GML: variants seen among roughly 807,000 people sequenced by gnomAD.
GML encodes the protein glycosyl-phosphatidylinositol-anchored molecule-like protein.
In GML, 5 loss-of-function variants were observed where a neutral mutation model predicts 8.2. The observed-to-expected ratio is 0.61, with a 90% confidence interval of 0.32 to 1.28. The LOEUF (loss-of-function observed/expected upper bound fraction) is 1.28, where lower values mean the gene tolerates loss of function less well. GML is among the 50% of genes most tolerant of loss of function. The pLI, the probability that GML is intolerant of heterozygous loss-of-function variation, is 0.06. For synonymous variants in GML, 72 were observed against 69.0 expected, an observed-to-expected ratio of 1.04 and a Z score of -0.22; for missense variants, 191 against 198.3, an observed-to-expected ratio of 0.96 and a Z score of 0.22.
intron 3 of GML, among the ~76,000 whole-genome samples, chr8:142,842,731 A>G (rs1563859388): frequency 6.6e-6 from 1 of 152,212 alleles, no homozygotes; most frequent in East Asian, 1.9e-4. Context: ...TGGCCTGCCT[A>G]GGTGATGGGT....
chr8:142,843,298 A>ACACACACACACACC (rs1031495895), intron 3 of GML, among the ~76,000 whole-genome samples: 16 of 145,548 alleles, frequency 1.1e-4, no homozygotes, highest in East Asian at 3.9e-4. Context: ...ACACACACAC[A>ACACACACACACACC]CCATAACCCC....
In GML at chr8:142,846,634, G is replaced by A. The variant is rs374503896; in HGVS notation, c.421G>A (p.Val141Ile). 9.9e-6 allele frequency: 16 copies of A among 1,613,912 alleles called. No homozygotes were observed. The highest frequency in any genetic ancestry group is 1.4e-5 in the Non-Finnish European group (16 of 1,179,926). ...TCCAGAAGGAACTGTGAGGCTGGGG[G>A]TATCAAAACTGTTGCTGAGTTTTGC... ...ELPEGTVRLG[V>I]SKLLLSFASI... is the part of the protein sequence containing the mutation. The change falls in exon 4 of 4, where the codon GTA (valine) becomes ATA (isoleucine). Residue 141 changes from valine to isoleucine, a missense_variant. By Grantham distance (29) the Val-to-Ile change is conservative. Transcript: ENST00000220940.
chr8:142,839,939 A>G (rs1431086373), intron 1 of GML, among the ~76,000 whole-genome samples: 2 of 152,118 alleles, frequency 1.3e-5, no homozygotes, highest in Non-Finnish European at 2.9e-5. Flanking sequence ...GGCTTCTGGC[A>G]TGTTCTGCCC....
In GML at chr8:142,838,463, C is replaced by A. The variant is rs1013718552; in HGVS notation, c.-22-1953C>A. 4.1e-4 allele frequency among the ~76,000 whole-genome samples: 63 copies of A among 152,272 alleles called. 1 individual carries two copies. Among genetic ancestry groups the A allele is most frequent in the African/African-American group, 1.5e-3 (62 of 41,542 alleles). On this transcript the variant is annotated intron_variant, in intron 1 of 3. Coordinates refer to ENST00000220940, the MANE Select transcript of GML (RefSeq NM_002066.3). The stretch of plus-strand genomic sequence containing the variant: ...CCCCTCCAGTGATGGTTTCTGTTGG[C>A]TTCCCAGGGTGAGGATGACTCATGA...
chr8:142,844,438 A>G (rs1015509522), intron 3 of GML, among the ~76,000 whole-genome samples: 1 of 152,214 alleles, frequency 6.6e-6, no homozygotes, highest in East Asian at 1.9e-4. Context: ...GTCACATAAG[A>G]ATGAAATTGA....
At chr8:142,839,845 G>A (rs1005002903) in intron 1 of GML, among the ~76,000 whole-genome samples, 23 of 152,212 alleles carry the variant, frequency 1.5e-4, no homozygotes, top group African/African-American at 5.5e-4. Context: ...ATTAGCTGAT[G>A]GCTCGGTGAT....
intron 1 of GML, among the ~76,000 whole-genome samples, chr8:142,835,185 C>T (rs985938583): frequency 1.3e-5 from 2 of 148,490 alleles, no homozygotes; most frequent in Non-Finnish European, 3.0e-5. Flanking sequence ...TACTGGGGGA[C>T]CTCTCGAGCT....
Position 142,846,480 on chromosome 8 carries a change from C to T in GML, c.267C>T (p.Ala89=). 1 of 1,612,772 alleles carries T rather than the reference C, an allele frequency of 6.2e-7. No homozygotes were observed. The change falls in exon 4 of 4, where the codon GCC becomes GCT. Residue 89 remains alanine, a synonymous_variant. Transcript: ENST00000220940. ...FVYAAEQPPE[A]PGKIFKTNSF... ...ATGCAGCTGAACAGCCTCCTGAAGC[C>T]CCAGGAAAAATCTTCAAAACTAATA...
intron 2 of GML, 123 bp from the exon 3 acceptor site, chr8:142,840,995 C>G (rs1816423708): frequency 3.0e-6 from 2 of 669,220 alleles, no homozygotes; most frequent in African/African-American, 3.6e-5. Flanking sequence ...GCTGTGCAGG[C>G]TAGGAGAAGT....
At position 142,846,555 on chromosome 8, in the gene GML, A is replaced by G; in HGVS notation, c.342A>G (p.Gly114=). 6.2e-7 allele frequency: 1 copy of G among 1,614,018 alleles called. No homozygotes were observed. Among genetic ancestry groups the G allele is most frequent in the Middle Eastern group, 1.6e-4 (1 of 6,062 alleles). The change falls in exon 4 of 4, where the codon GGA becomes GGG. Residue 114 remains glycine, a synonymous_variant. Transcript: ENST00000220940. ...ATAGCATGGTTTGCAATGCAGGAGGACCTACTAATCTTGAAAGGGACATGT... is the reference window on the plus strand; with the variant it reads ...ATAGCATGGTTTGCAATGCAGGAGGGCCTACTAATCTTGAAAGGGACATGT... The part of the protein sequence containing the change: ...CCNSMVCNAG[G]PTNLERDMLP...
intron 3 of GML, among the ~76,000 whole-genome samples, chr8:142,843,720 G>T (rs2130226024): frequency 6.6e-6 from 1 of 152,178 alleles, no homozygotes; most frequent in East Asian, 1.9e-4. Context: ...TGAAATCCAA[G>T]GAATGGTGCT....
intron 1 of GML, among the ~76,000 whole-genome samples, chr8:142,837,351 GCTGT>G (rs1160387865): frequency 6.6e-6 from 1 of 151,626 alleles, no homozygotes; most frequent in African/African-American, 2.4e-5. Context: ...AGTACATATT[GCTGT>G]CTGAGTTTCA....
At chr8:142,843,820 T>G (rs1242524271) in intron 3 of GML, among the ~76,000 whole-genome samples, 1 of 152,190 alleles carries the variant, frequency 6.6e-6, no homozygotes, top group Non-Finnish European at 1.5e-5. Context: ...TATTGAAGAC[T>G]TAAAACACCA....
At chr8:142,843,293 CACACA>C (rs1563859580) in intron 3 of GML, among the ~76,000 whole-genome samples, 7 of 141,328 alleles carry the variant, frequency 5.0e-5, no homozygotes, top group African/African-American at 1.7e-4. Flanking sequence ...CACACACACA[CACACA>C]CCATAACCCC....
intron 3 of GML, among the ~76,000 whole-genome samples, chr8:142,844,936 T>A (rs956115727): frequency 2.6e-5 from 4 of 152,194 alleles, no homozygotes; most frequent in African/African-American, 9.7e-5. Context: ...ACATAGCTAA[T>A]TATAAAAAAG....
chr8:142,844,079 C>CATT, intron 3 of GML, among the ~76,000 whole-genome samples: 1 of 152,020 alleles, frequency 6.6e-6, no homozygotes, highest in South Asian at 2.1e-4. Context: ...AACTATCAAA[C>CATT]CGTTTCCTTA....
intron 2 of GML, 88 bp from the exon 3 acceptor site, chr8:142,841,030 G>T: frequency 4.0e-6 from 3 of 748,080 alleles, no homozygotes; most frequent in Non-Finnish European, 7.4e-6. Context: ...GGGAAGGGCT[G>T]GCCGTTGAAG....
At chr8:142,838,662 G>C (rs1419809331) in intron 1 of GML, among the ~76,000 whole-genome samples, 1 of 152,188 alleles carries the variant, frequency 6.6e-6, no homozygotes, top group Non-Finnish European at 1.5e-5. Context: ...GTTTGCTGAT[G>C]CTGATGATCC....
intron 1 of GML, among the ~76,000 whole-genome samples, chr8:142,839,643 CT>C (rs1816396065): frequency 6.6e-6 from 1 of 152,150 alleles, no homozygotes; most frequent in African/African-American, 2.4e-5. Context: ...GAGCTTCCCC[CT>C]TGAGTCGGGC....
Sources: gnomAD v4.1 joint callset for allele counts (sites outside exome capture counted in the v4.1 genomes callset) on GRCh38, gnomAD v4.1.1 for gene constraint, MANE v1.5 for transcripts, NCBI Gene and HGNC (gene_info 2026-07-23, HGNC 2026-07-21) for gene names.